The following IGF2BP3 variants were observed in gnomAD, a reference collection of about 807,000 sequenced individuals.
IGF2BP3 encodes the protein insulin-like growth factor 2 mRNA-binding protein 3.
In IGF2BP3, 9 loss-of-function variants were observed where a neutral mutation model predicts 73.8. That is an observed-to-expected ratio of 0.12 (90% CI 0.07 to 0.21). The LOEUF is 0.21. IGF2BP3 is among the 10% of genes least tolerant of loss of function. The pLI, the probability that IGF2BP3 is intolerant of heterozygous loss-of-function variation, is 1.00. For synonymous variants in IGF2BP3, 258 were observed against 256.7 expected (o/e 1.01, Z -0.05); for missense variants, 542 against 714.0 (o/e 0.76, Z 2.75).
intron 3 of IGF2BP3, among the ~76,000 whole-genome samples, chr7:23,407,050 TAAGA>T (rs1786854154): frequency 6.6e-6 from 1 of 151,984 alleles, no homozygotes; most frequent in Non-Finnish European, 1.5e-5. Flanking sequence ...ATGAAGATTT[TAAGA>T]GAGAGAACAC....
intron 2 of IGF2BP3, among the ~76,000 whole-genome samples, chr7:23,422,144 T>C (rs1322203565): frequency 6.6e-6 from 1 of 152,116 alleles, no homozygotes; most frequent in Non-Finnish European, 1.5e-5. Flanking sequence ...AAACTAAGTA[T>C]TCACACCTAC....
intron 2 of IGF2BP3, among the ~76,000 whole-genome samples, chr7:23,437,356 A>G (rs1787829984): frequency 6.7e-6 from 1 of 150,198 alleles, no homozygotes; most frequent in Non-Finnish European, 1.5e-5. Flanking sequence ...GGTGGCAGGC[A>G]CCTGTAATCC....
intron 13 of IGF2BP3, among the ~76,000 whole-genome samples, 187 bp from the exon 14 acceptor site, chr7:23,313,035 T>C (rs1022789887): frequency 5.9e-5 from 9 of 152,230 alleles, no homozygotes; most frequent in African/African-American, 2.2e-4. Context: ...AAGAAACTGA[T>C]TTGTCCAGTT....
intron 2 of IGF2BP3, among the ~76,000 whole-genome samples, chr7:23,432,621 A>G (rs998860255): frequency 1.3e-5 from 2 of 152,010 alleles, no homozygotes; most frequent in Non-Finnish European, 1.5e-5. Context: ...AACTAAGTAA[A>G]TGTGCTTCAT....
chr7:23,442,505 C>T (rs943895933), intron 2 of IGF2BP3, among the ~76,000 whole-genome samples: 1 of 152,108 alleles, frequency 6.6e-6, no homozygotes, highest in Non-Finnish European at 1.5e-5. Context: ...TCAAGCAATC[C>T]TCCTGCCTCA....
At chr7:23,414,188 T>C (rs1787118174) in intron 3 of IGF2BP3, 1 of 152,102 alleles carries the variant, frequency 6.6e-6, no homozygotes, top group African/African-American at 2.4e-5. Flanking sequence ...TATCTTCATC[T>C]GCCATAAACA....
intron 3 of IGF2BP3, among the ~76,000 whole-genome samples, chr7:23,364,349 G>A (rs1190944621): frequency 6.6e-6 from 1 of 151,348 alleles, no homozygotes; most frequent in Non-Finnish European, 1.5e-5. Context: ...AGTCTAGCCT[G>A]GGCAACAGAG....
rs565999803 is a variant in IGF2BP3, at chr7:23,358,889, G to C, written c.401+2645C>G. On this transcript the variant is annotated intron_variant, in intron 5 of 14. Coordinates refer to ENST00000258729, the MANE Select transcript of IGF2BP3 (RefSeq NM_006547.3). Reference sequence around the variant, plus strand: ...GTGAGAACAATACTCTTATAAGGCCGCTTGACAGGGAGGAACTAAAATTAG... The same window carrying C: ...GTGAGAACAATACTCTTATAAGGCCCCTTGACAGGGAGGAACTAAAATTAG... Among the ~76,000 whole-genome samples, 6 of 152,244 alleles carry C rather than the reference G, an allele frequency of 3.9e-5. No individual in the cohort carries two copies. In the South Asian group the frequency reaches 1.2e-3, roughly 32 times the overall value.
chr7:23,424,225 G>C (rs555741956), intron 2 of IGF2BP3, among the ~76,000 whole-genome samples: 2 of 149,704 alleles, frequency 1.3e-5, no homozygotes, highest in South Asian at 4.2e-4. Context: ...AAGGCCAGGC[G>C]CAGTGGCTCA....
Position 23,459,778 on chromosome 7 carries a change from C to A in IGF2BP3, c.236+8704G>T, listed in dbSNP as rs148905280. ...CCTGAGAGGAGGAGGTTGCAGTGAG[C>A]TGAGATCATACCATTGCACTTCAGC... On this transcript the variant is annotated intron_variant, in intron 2 of 14. Transcript: ENST00000258729. Among the ~76,000 whole-genome samples, 261 of 152,174 alleles carry A rather than the reference C, an allele frequency of 1.7e-3. 1 individual carries two copies. Among genetic ancestry groups the A allele is most frequent in the African/African-American group, 5.8e-3 (240 of 41,512 alleles).
chr7:23,448,457 T>C (rs990546822), intron 2 of IGF2BP3, among the ~76,000 whole-genome samples: 1 of 152,184 alleles, frequency 6.6e-6, no homozygotes, highest in Non-Finnish European at 1.5e-5. Context: ...TTGCTCAGGC[T>C]GGAGGGCGTA....
At chr7:23,351,939 G>C (rs1245322031) in intron 5 of IGF2BP3, among the ~76,000 whole-genome samples, 1 of 152,222 alleles carries the variant, frequency 6.6e-6, no homozygotes, top group Non-Finnish European at 1.5e-5. Context: ...GAATAGCTAA[G>C]CAGCAAGAGA....
chr7:23,327,809 C>G (rs1784343084), intron 10 of IGF2BP3, among the ~76,000 whole-genome samples: 1 of 152,080 alleles, frequency 6.6e-6, no homozygotes, highest in African/African-American at 2.4e-5. Context: ...ACTAGTGGCA[C>G]TAATGGTTCC....
At position 23,342,189 on chromosome 7, in the gene IGF2BP3, G is replaced by A; in HGVS notation, c.1078C>T (p.Leu360Phe). ...SYENDIASMN[L>F]QAHLIPGLNL... ...AATCCAGGAATTAAATGTGCTTGAA[G>A]CTGCAACAGTAAAAAGGCCCCTTAA... Residue 360 changes from leucine (L) to phenylalanine (F), a missense_variant and splice_region_variant, in exon 10 of 15, where the codon CTT (leucine) becomes TTT (phenylalanine). By Grantham distance (22) the Leu-to-Phe change is conservative (BLOSUM62 0). Around this residue, in one of 2 missense-constraint regions of IGF2BP3, gnomAD observed 303 missense variants for 472.1 expected, o/e 0.64. Transcript: ENST00000258729. The A allele has an allele frequency of 6.2e-7, 1 of 1,613,600 alleles. No individual in the cohort carries two copies. Among genetic ancestry groups the A allele is most frequent in the Non-Finnish European group, 8.5e-7 (1 of 1,179,686 alleles).
At chr7:23,348,504 C>A (rs550277975) in intron 6 of IGF2BP3, among the ~76,000 whole-genome samples, 2 of 152,216 alleles carry the variant, frequency 1.3e-5, no homozygotes, top group African/African-American at 4.8e-5. Context: ...GACTCAAGAA[C>A]TGTATTTCTT....
At chr7:23,445,839 G>T (rs1788052443) in intron 2 of IGF2BP3, among the ~76,000 whole-genome samples, 1 of 152,088 alleles carries the variant, frequency 6.6e-6, no homozygotes, top group Non-Finnish European at 1.5e-5. Context: ...TGAATTTAAG[G>T]CAATGCATCA....
intron 10 of IGF2BP3, among the ~76,000 whole-genome samples, chr7:23,321,533 C>T (rs1461864391): frequency 6.6e-6 from 1 of 152,238 alleles, no homozygotes; most frequent in African/African-American, 2.4e-5. Flanking sequence ...CTTAGGTAAA[C>T]AAAGCAGCCA....
intron 2 of IGF2BP3, among the ~76,000 whole-genome samples, chr7:23,422,268 A>C (rs1167317767): frequency 6.6e-6 from 1 of 152,232 alleles, no homozygotes; most frequent in Non-Finnish European, 1.5e-5. Context: ...ATATTACAAA[A>C]ATAAATATCC....
chr7:23,432,211 T>C (rs1161258779), intron 2 of IGF2BP3, among the ~76,000 whole-genome samples: 1 of 152,192 alleles, frequency 6.6e-6, no homozygotes, highest in Non-Finnish European at 1.5e-5. Flanking sequence ...GGATGAAAAC[T>C]TGACTGACGC....
Sources: allele counts gnomAD v4.1 joint callset (sites outside exome capture counted in the v4.1 genomes callset), GRCh38; gene constraint gnomAD v4.1.1; regional missense constraint gnomAD v4.1.1; transcripts MANE v1.5; gene names NCBI Gene and HGNC (gene_info 2026-07-23, HGNC 2026-07-21).